The following ADAMTSL1 variants were observed in gnomAD, a reference collection of about 807,000 sequenced individuals.
ADAMTSL1 encodes ADAMTS like 1, also known as ADAMTS-like protein 1.
ADAMTSL1 carries 126 observed loss-of-function variants against 201.8 expected under a neutral mutation model. That is an observed-to-expected ratio of 0.62 (90% CI 0.54 to 0.72). ADAMTSL1 has a LOEUF of 0.72. ADAMTSL1 is among the 30% of genes least tolerant of loss of function. The pLI is 0.00. For missense variants in ADAMTSL1, 2,679 were observed against 2,277.8 expected (o/e 1.18, Z -3.59); for synonymous variants, 1,121 against 903.4 (o/e 1.24, Z -4.32).
chr9:18,523,068 G>C (rs911025109), intron 2 of ADAMTSL1, among the ~76,000 whole-genome samples: 1 of 152,164 alleles, frequency 6.6e-6, no homozygotes, highest in Admixed American at 6.5e-5. Flanking sequence ...TAGTGTAAAA[G>C]TGTTCCTATT....
At chr9:18,750,179 T>A (rs1819386362) in intron 15 of ADAMTSL1, among the ~76,000 whole-genome samples, 1 of 152,202 alleles carries the variant, frequency 6.6e-6, no homozygotes, top group Non-Finnish European at 1.5e-5. Flanking sequence ...GTAAGGAAAG[T>A]ACACACAAAT....
chr9:17,930,332 A>C (rs748367373), intron 1 of ADAMTSL1, among the ~76,000 whole-genome samples: 1 of 152,250 alleles, frequency 6.6e-6, no homozygotes, highest in Middle Eastern at 3.4e-3. Context: ...GGGAATGTTG[A>C]GAATTGCACG....
At chr9:17,984,924 T>A (rs1185877736) in intron 1 of ADAMTSL1, among the ~76,000 whole-genome samples, 1 of 152,174 alleles carries the variant, frequency 6.6e-6, no homozygotes. Flanking sequence ...AAATCAATGT[T>A]TTTTGCTTCG....
chr9:18,034,460 A>G (rs1295543626), intron 1 of ADAMTSL1, among the ~76,000 whole-genome samples: 2 of 152,186 alleles, frequency 1.3e-5, no homozygotes, highest in East Asian at 3.9e-4. Flanking sequence ...TCCTAGAAAT[A>G]TCCATTGTGT....
chr9:18,591,148 A>G (rs1823887568), intron 4 of ADAMTSL1, among the ~76,000 whole-genome samples: 1 of 152,066 alleles, frequency 6.6e-6, no homozygotes, highest in Non-Finnish European at 1.5e-5. Flanking sequence ...TTGTATTGCC[A>G]TCTATCTCTC....
At chr9:18,295,561 A>G (rs528686582) in intron 2 of ADAMTSL1, among the ~76,000 whole-genome samples, 1 of 152,194 alleles carries the variant, frequency 6.6e-6, no homozygotes, top group South Asian at 2.1e-4. Context: ...GATGGTCTCT[A>G]TCTCTTGACC....
intron 2 of ADAMTSL1, among the ~76,000 whole-genome samples, chr9:18,220,801 GTC>G (rs1006690666): frequency 2.0e-5 from 3 of 150,330 alleles, no homozygotes; most frequent in Admixed American, 1.3e-4. Flanking sequence ...TTTAAACAGA[GTC>G]TCTCTCTGTC....
In ADAMTSL1 at chr9:18,103,991, T is replaced by C. The variant is rs189199542; in HGVS notation, c.88-59871T>C. ...TAGTGTCAAAACCAGTTTGACATTT[T>C]ATAACCCAGAGATTCTCAAAGTTAC... On this transcript the variant is annotated intron_variant, in intron 1 of 29. Coordinates refer to the ADAMTSL1 transcript ENST00000680146. Among the ~76,000 whole-genome samples the C allele has an allele frequency of 1.8e-4, 27 of 152,358 alleles. No homozygotes were observed. In the East Asian group the frequency reaches 5.2e-3, roughly 29 times the overall value.
At chr9:18,789,691 G>A (rs1821911471) in intron 19 of ADAMTSL1, among the ~76,000 whole-genome samples, 1 of 152,300 alleles carries the variant, frequency 6.6e-6, no homozygotes, top group Middle Eastern at 3.4e-3. Flanking sequence ...GAAACAGACA[G>A]ATTCTTGTGT....
chr9:17,920,589 C>G (rs1040977341), intron 1 of ADAMTSL1, among the ~76,000 whole-genome samples: 2 of 152,142 alleles, frequency 1.3e-5, no homozygotes, highest in African/African-American at 4.8e-5. Flanking sequence ...CTTTTGACAT[C>G]TCATGTTGCT....
At chr9:18,107,294 T>C (rs1167502521) in intron 1 of ADAMTSL1, among the ~76,000 whole-genome samples, 1 of 152,196 alleles carries the variant, frequency 6.6e-6, no homozygotes, top group Non-Finnish European at 1.5e-5. Flanking sequence ...AGTTTTACAT[T>C]GATGGGCTCC....
chr9:18,708,240 A>G (rs1009942175), intron 14 of ADAMTSL1, among the ~76,000 whole-genome samples: 1 of 152,244 alleles, frequency 6.6e-6, no homozygotes, highest in Admixed American at 6.5e-5. Context: ...ATGTAGTTGA[A>G]AAGGAATGAA....
chr9:18,827,917 T>C (rs1824684945), intron 22 of ADAMTSL1, among the ~76,000 whole-genome samples: 1 of 152,264 alleles, frequency 6.6e-6, no homozygotes, highest in Admixed American at 6.5e-5. Context: ...GGAAAGTTTG[T>C]TAGCTTTTAG....
intron 2 of ADAMTSL1, among the ~76,000 whole-genome samples, chr9:18,511,363 A>C (rs1276635321): frequency 2.0e-5 from 3 of 151,824 alleles, no homozygotes; most frequent in Non-Finnish European, 4.4e-5. Context: ...TTTCATATCT[A>C]TCCAAATAGC....
intron 14 of ADAMTSL1, among the ~76,000 whole-genome samples, chr9:18,709,782 T>C (rs1216662096): frequency 6.6e-6 from 1 of 152,204 alleles, no homozygotes; most frequent in African/African-American, 2.4e-5. Context: ...TCAGCTTTAT[T>C]GTATTGAACT....
chr9:18,518,442 G>A (rs1193525152), intron 2 of ADAMTSL1, among the ~76,000 whole-genome samples: 2 of 152,098 alleles, frequency 1.3e-5, no homozygotes, highest in Non-Finnish European at 2.9e-5. Flanking sequence ...TAGGATAATG[G>A]CCTCCAGCTC....
chr9:18,896,880 T>G (rs866261048), intron 26 of ADAMTSL1, among the ~76,000 whole-genome samples: 1 of 152,122 alleles, frequency 6.6e-6, no homozygotes, highest in Non-Finnish European at 1.5e-5. Context: ...ACAAGCAGCA[T>G]CATTCTGCAG....
At chr9:18,756,743 G>C (rs1046308468) in intron 16 of ADAMTSL1, among the ~76,000 whole-genome samples, 1 of 152,166 alleles carries the variant, frequency 6.6e-6, no homozygotes, top group Non-Finnish European at 1.5e-5. Context: ...CACATGTTTC[G>C]TTTAAAGGAA....
intron 15 of ADAMTSL1, among the ~76,000 whole-genome samples, chr9:18,727,784 T>C (rs1405045598): frequency 6.6e-6 from 1 of 152,198 alleles, no homozygotes; most frequent in African/African-American, 2.4e-5. Context: ...TGAGCTTTGA[T>C]GATATCACTT....
Sources: allele counts gnomAD v4.1 joint callset (sites outside exome capture counted in the v4.1 genomes callset), GRCh38; gene constraint gnomAD v4.1.1; transcripts MANE v1.5; gene names NCBI Gene and HGNC (gene_info 2026-07-23, HGNC 2026-07-21).